PLEKHA2: variants seen among roughly 807,000 people sequenced by gnomAD.
PLEKHA2 encodes pleckstrin homology domain-containing family A member 2.
A neutral mutation model predicts 53.2 loss-of-function variants in PLEKHA2; 28 were observed. The observed-to-expected ratio is 0.53, with a 90% CI of 0.39 to 0.72. The LOEUF (loss-of-function observed/expected upper bound fraction) is 0.72. Among genes scored for constraint, PLEKHA2 ranks in the 30% least tolerant of loss-of-function variants. The pLI, the probability that PLEKHA2 is intolerant of heterozygous loss-of-function variation, is 0.00. For missense variants in PLEKHA2, 426 were observed against 537.9 expected, an observed-to-expected ratio of 0.79 and a Z score of 2.06; for synonymous variants, 193 against 196.4, an observed-to-expected ratio of 0.98 and a Z score of 0.14.
rs1323688527 is a variant in PLEKHA2 at position 38,957,379 on chromosome 8, A to G, written c.830A>G (p.Tyr277Cys). The G allele has an allele frequency of 1.1e-5, 18 of 1,612,406 alleles. No homozygotes were observed. The highest frequency in any genetic ancestry group is 1.5e-5 in the Non-Finnish European group (18 of 1,178,488). Residue 277 changes from tyrosine (Y) to cysteine (C), a missense_variant, in exon 10 of 12, where the codon TAC becomes TGC. By Grantham distance (194) the Tyr-to-Cys change is radical. Coordinates refer to ENST00000617275, the MANE Select transcript of PLEKHA2 (RefSeq NM_021623.2). ...FEIITSSRTF[Y>C]VQADSPEDMH... Reference sequence around the variant, plus strand: ...ATAATAACAAGCTCCAGGACCTTCTACGTACAGGTAAAATGCTCCCTTCCA... The same window carrying G: ...ATAATAACAAGCTCCAGGACCTTCTGCGTACAGGTAAAATGCTCCCTTCCA...
rs907823183 is a variant in PLEKHA2, at chr8:38,932,823, G to A, written c.142-3171G>A. 5.9e-5 allele frequency among the ~76,000 whole-genome samples: 9 copies of A among 152,212 alleles called. No homozygotes were observed. The South Asian group carries it at 1.7e-3, about 28-fold the overall frequency. ...GGGAGGAAGGCAGCATCAGACACGC[G>A]TCATATTTTCCTGGCTTCTCCTGGT... On this transcript the variant is annotated intron_variant, in intron 2 of 11. Coordinates refer to ENST00000617275, the MANE Select transcript of PLEKHA2 (RefSeq NM_021623.2).
intron 7 of PLEKHA2, 102 bp downstream of exon 7, chr8:38,952,414 A>C: frequency 6.7e-7 from 1 of 1,485,760 alleles, no homozygotes; most frequent in East Asian, 2.4e-5. Flanking sequence ...GAGGTGCCTC[A>C]GTCCTCCATG....
intron 2 of PLEKHA2, among the ~76,000 whole-genome samples, chr8:38,918,431 CCAT>C (rs1834104640): frequency 1.5e-5 from 2 of 137,892 alleles, no homozygotes; most frequent in Non-Finnish European, 3.2e-5. Context: ...ACCACACACA[CCAT>C]ACACACACAC....
intron 8 of PLEKHA2, 37 bp from the exon 9 acceptor site, chr8:38,953,260 C>T (rs1159124317): frequency 3.9e-6 from 6 of 1,538,074 alleles, no homozygotes; most frequent in African/African-American, 1.4e-5. Context: ...ATGACACAGA[C>T]AGCCTCACTT....
chr8:38,918,958 A>G (rs994016454), intron 2 of PLEKHA2, among the ~76,000 whole-genome samples: 8 of 152,196 alleles, frequency 5.3e-5, no homozygotes, highest in Non-Finnish European at 1.0e-4. Flanking sequence ...GCTCCAAGGC[A>G]TGGCTTGCTT....
chr8:38,943,397 G>A (rs892435270), intron 3 of PLEKHA2, among the ~76,000 whole-genome samples: 5 of 152,056 alleles, frequency 3.3e-5, no homozygotes, highest in African/African-American at 7.2e-5. Flanking sequence ...GAGACTGGAG[G>A]ATCACTTGAG....
chr8:38,968,200 T>G (rs1254278302), intron 10 of PLEKHA2, among the ~76,000 whole-genome samples: 1 of 152,172 alleles, frequency 6.6e-6, no homozygotes, highest in Non-Finnish European at 1.5e-5. Context: ...TGAGGAGAAC[T>G]CGAATCTCTA....
rs1834857160 is a variant in PLEKHA2 at position 38,952,200 on chromosome 8, G to A, written c.521G>A (p.Gly174Glu). Reference sequence around the variant, plus strand: ...GATGGGCAGGAAGGGAGTGAGCCCGGGTCCCACACCATCCTTCGAAGGTCT... The same window carrying A: ...GATGGGCAGGAAGGGAGTGAGCCCGAGTCCCACACCATCCTTCGAAGGTCT... ...GGDGQEGSEPGSHTILRRSQS... is the reference protein window; with the variant it reads ...GGDGQEGSEPESHTILRRSQS... Residue 174 changes from glycine to glutamate, a missense_variant, in exon 7 of 12, where the codon GGG (glycine) becomes GAG (glutamate). Coordinates refer to ENST00000617275, the MANE Select transcript of PLEKHA2 (RefSeq NM_021623.2). 5 of 1,613,288 alleles carry A rather than the reference G, an allele frequency of 3.1e-6. No homozygotes were observed. The highest frequency in any genetic ancestry group is 4.2e-6 in the Non-Finnish European group (5 of 1,179,678).
At chr8:38,953,470 C>A in intron 9 of PLEKHA2, 103 bp downstream of exon 9, 2 of 1,191,742 alleles carry the variant, frequency 1.7e-6, no homozygotes, top group Admixed American at 1.8e-5. Flanking sequence ...CATCTTCTTC[C>A]AAGAGCCAGG....
chr8:38,967,110 G>C (rs1245081902), intron 10 of PLEKHA2, among the ~76,000 whole-genome samples: 1 of 152,132 alleles, frequency 6.6e-6, no homozygotes, highest in African/African-American at 2.4e-5. Context: ...TTCTGCAAAA[G>C]ACACGATTTC....
intron 2 of PLEKHA2, among the ~76,000 whole-genome samples, chr8:38,920,335 T>A (rs901496292): frequency 3.0e-4 from 46 of 152,028 alleles, no homozygotes; most frequent in African/African-American, 1.0e-3. Context: ...TATTTTTTTT[T>A]AGTAGAGACG....
intron 3 of PLEKHA2, among the ~76,000 whole-genome samples, chr8:38,939,085 G>C (rs1273138718): frequency 6.6e-6 from 1 of 151,832 alleles, no homozygotes; most frequent in East Asian, 1.9e-4. Context: ...TGTATTTTTA[G>C]TAGAGACGGG....
intron 2 of PLEKHA2, among the ~76,000 whole-genome samples, chr8:38,928,345 T>C (rs887256414): frequency 6.8e-6 from 1 of 147,126 alleles, no homozygotes; most frequent in African/African-American, 2.5e-5. Flanking sequence ...GTCTCCTGGG[T>C]TCAAGCGATT....
At chr8:38,908,555 C>T (rs980886311) in intron 1 of PLEKHA2, among the ~76,000 whole-genome samples, 2 of 152,138 alleles carry the variant, frequency 1.3e-5, no homozygotes, top group Non-Finnish European at 2.9e-5. Flanking sequence ...AATAAAGTAA[C>T]ACATGCTCCC....
chr8:38,953,464 T>A, intron 9 of PLEKHA2, 97 bp downstream of exon 9: 1 of 1,210,412 alleles, frequency 8.3e-7, no homozygotes, highest in Non-Finnish European at 1.2e-6. Flanking sequence ...AAGAGTCATC[T>A]TCTTCCAAGA....
chr8:38,918,181 G>T, intron 2 of PLEKHA2, 111 bp downstream of exon 2: 2 of 1,379,132 alleles, frequency 1.5e-6, no homozygotes, highest in South Asian at 1.4e-5. Context: ...ACAACCTGCT[G>T]ATCAGCAGGG....
At chr8:38,935,007 GTATT>G (rs1834467322) in intron 2 of PLEKHA2, among the ~76,000 whole-genome samples, 1 of 152,024 alleles carries the variant, frequency 6.6e-6, no homozygotes, top group Non-Finnish European at 1.5e-5. Context: ...GCTCTTAAAT[GTATT>G]TATTTATTTT....
Position 38,970,563 on chromosome 8 carries a change from G to A in PLEKHA2, c.*780G>A. On this transcript the variant is annotated 3_prime_UTR_variant, in exon 12 of 12. Transcript: ENST00000617275. ...TGTAATGCCAGTAGTTTGGGAGGCT[G>A]AGGCGGGTGGATCACCTGAGGTCAG... The A allele has an allele frequency of 5.9e-6, 1 of 170,596 alleles. No homozygotes were observed. The highest frequency in any genetic ancestry group is 1.3e-5 in the Non-Finnish European group (1 of 77,480). 10.6% of individuals were successfully genotyped at this position (170,596 alleles called of 1,614,324 possible).
At chr8:38,906,590 C>A (rs1276062830) in intron 1 of PLEKHA2, among the ~76,000 whole-genome samples, 1 of 152,206 alleles carries the variant, frequency 6.6e-6, no homozygotes, top group African/African-American at 2.4e-5. Context: ...GGAACTTGTT[C>A]TCAGTACGTT....
Sources: gnomAD v4.1 joint callset for allele counts (sites outside exome capture counted in the v4.1 genomes callset) on GRCh38, gnomAD v4.1.1 for gene constraint, MANE v1.5 for transcripts, NCBI Gene and HGNC (gene_info 2026-07-23, HGNC 2026-07-21) for gene names.